KCNIP4: variants seen among roughly 807,000 people sequenced by gnomAD.
KCNIP4 encodes potassium voltage-gated channel interacting protein 4, also known as Kv channel-interacting protein 4.
Under a neutral mutation model 34.0 loss-of-function variants are expected in KCNIP4, and 12 were observed. The observed-to-expected ratio is 0.35, with a 90% confidence interval of 0.23 to 0.57. The LOEUF is 0.57. Ranked by LOEUF, KCNIP4 falls within the 20% of genes least tolerant of loss-of-function variation. The pLI, the probability that KCNIP4 is intolerant of heterozygous loss-of-function variation, is 0.83. For missense variants in KCNIP4, 238 were observed against 311.7 expected, an observed-to-expected ratio of 0.76 and a Z score of 1.78; for synonymous variants, 124 against 102.2, an observed-to-expected ratio of 1.21 and a Z score of -1.29.
chr4:21,144,091 A>G (rs1752179078), intron 1 of KCNIP4, among the ~76,000 whole-genome samples: 1 of 152,148 alleles, frequency 6.6e-6, no homozygotes, highest in Non-Finnish European at 1.5e-5. Flanking sequence ...ATAACTGATA[A>G]CAATACAAAT....
intron 1 of KCNIP4, among the ~76,000 whole-genome samples, chr4:21,580,563 C>A (rs1049938462): frequency 6.6e-6 from 1 of 152,042 alleles, no homozygotes; most frequent in African/African-American, 2.4e-5. Context: ...CCAAGGGTGG[C>A]ATGGAGAAAA....
At chr4:20,732,252 G>GAA (rs1236278242) in intron 7 of KCNIP4, among the ~76,000 whole-genome samples, 184 bp from the exon 8 acceptor site, 3 of 152,156 alleles carry the variant, frequency 2.0e-5, no homozygotes, top group Admixed American at 1.3e-4. Flanking sequence ...AAATGCTTCT[G>GAA]GCTTTTCCCT....
chr4:21,679,355 T>A (rs1750161822), intron 1 of KCNIP4, among the ~76,000 whole-genome samples: 4 of 152,220 alleles, frequency 2.6e-5, no homozygotes, highest in Admixed American at 2.6e-4. Flanking sequence ...ATCTTTTGTT[T>A]ATGGATGTAT....
At chr4:21,918,857 A>G (rs746303594) in intron 1 of KCNIP4, among the ~76,000 whole-genome samples, 6 of 152,174 alleles carry the variant, frequency 3.9e-5, no homozygotes, top group Non-Finnish European at 8.8e-5. Context: ...AAGGAAACCC[A>G]AAATCTAGCC....
chr4:20,922,219 G>A (rs541199578), intron 1 of KCNIP4, among the ~76,000 whole-genome samples: 26 of 152,284 alleles, frequency 1.7e-4, no homozygotes, highest in African/African-American at 6.0e-4. Context: ...GTATATCTGT[G>A]AGGGTGTTAA....
chr4:21,025,924 C>T (rs935572770), intron 1 of KCNIP4, among the ~76,000 whole-genome samples: 2 of 152,032 alleles, frequency 1.3e-5, no homozygotes, highest in Admixed American at 1.3e-4. Flanking sequence ...GTATGCCAGG[C>T]CTAGATTAGG....
In KCNIP4 at chr4:20,846,990, C is replaced by A. The variant is rs552209807; in HGVS notation, c.288+3553G>T. On this transcript the variant is annotated intron_variant, in intron 3 of 8. Coordinates refer to ENST00000382152, the MANE Select transcript of KCNIP4 (RefSeq NM_025221.6). ...TGCATTTAATTTTGAGACTGCTGATCTGTAGATAATAGTTTGCATTTTCTG... is the reference window on the plus strand; with the variant it reads ...TGCATTTAATTTTGAGACTGCTGATATGTAGATAATAGTTTGCATTTTCTG... 2.6e-4 allele frequency among the ~76,000 whole-genome samples: 39 copies of A among 152,246 alleles called. 1 individual carries two copies. In the South Asian group the frequency reaches 8.1e-3, roughly 32 times the overall value.
chr4:21,031,859 C>A (rs1373687587), intron 1 of KCNIP4, among the ~76,000 whole-genome samples: 2 of 152,146 alleles, frequency 1.3e-5, no homozygotes, highest in African/African-American at 4.8e-5. Context: ...CAAAGCTTTT[C>A]TATAAAATGC....
chr4:21,424,184 T>A (rs1725742321), intron 1 of KCNIP4, among the ~76,000 whole-genome samples: 2 of 152,042 alleles, frequency 1.3e-5, no homozygotes, highest in South Asian at 2.1e-4. Context: ...GGTAAAGGGA[T>A]GCATAAAAGC....
At chr4:21,550,434 A>G (rs931592411) in intron 1 of KCNIP4, among the ~76,000 whole-genome samples, 6 of 152,120 alleles carry the variant, frequency 3.9e-5, no homozygotes, top group African/African-American at 1.4e-4. Flanking sequence ...AGAGTGCCTG[A>G]GAATATGCTA....
At chr4:21,227,303 G>A (rs545025058) in intron 1 of KCNIP4, among the ~76,000 whole-genome samples, 5 of 152,216 alleles carry the variant, frequency 3.3e-5, no homozygotes, top group South Asian at 4.1e-4. Flanking sequence ...TCAGAATCTC[G>A]CAAACCAAAA....
intron 1 of KCNIP4, among the ~76,000 whole-genome samples, chr4:21,029,405 C>G (rs1740820176): frequency 6.6e-6 from 1 of 152,196 alleles, no homozygotes; most frequent in Non-Finnish European, 1.5e-5. Flanking sequence ...CTATGATGTA[C>G]TAACAGTGCA....
intron 3 of KCNIP4, among the ~76,000 whole-genome samples, chr4:20,821,717 G>A (rs1717132670): frequency 6.6e-6 from 1 of 152,108 alleles, no homozygotes; most frequent in East Asian, 1.9e-4. Flanking sequence ...CCATTTATAA[G>A]TGAGAACATA....
chr4:21,232,551 A>C (rs185356947), intron 1 of KCNIP4, among the ~76,000 whole-genome samples: 51 of 152,332 alleles, frequency 3.3e-4, no homozygotes, highest in Admixed American at 1.1e-3. Context: ...TATGAACAAA[A>C]TATAACTTAT....
chr4:21,446,337 CA>C (rs761498265), intron 1 of KCNIP4, among the ~76,000 whole-genome samples: 1 of 151,942 alleles, frequency 6.6e-6, no homozygotes, highest in Non-Finnish European at 1.5e-5. Flanking sequence ...ATGTTTATTG[CA>C]GCACTATTCA....
At chr4:21,270,089 C>G (rs1762049470) in intron 1 of KCNIP4, among the ~76,000 whole-genome samples, 1 of 152,150 alleles carries the variant, frequency 6.6e-6, no homozygotes, top group Non-Finnish European at 1.5e-5. Context: ...ATTTCATACT[C>G]TAGGTAAACA....
At chr4:21,453,738 T>C (rs988575683) in intron 1 of KCNIP4, among the ~76,000 whole-genome samples, 1 of 152,102 alleles carries the variant, frequency 6.6e-6, no homozygotes, top group Non-Finnish European at 1.5e-5. Flanking sequence ...AGTGTTTGAT[T>C]TTCTGGTGGC....
intron 1 of KCNIP4, among the ~76,000 whole-genome samples, chr4:21,657,027 A>G (rs1290164883): frequency 2.0e-5 from 3 of 152,156 alleles, no homozygotes. Flanking sequence ...CATCACTGCT[A>G]CCATTTCCCT....
chr4:21,143,191 C>T lies in KCNIP4; in HGVS notation c.62-260482G>A, dbSNP rs566345461. 1.6e-4 allele frequency among the ~76,000 whole-genome samples: 24 copies of T among 152,272 alleles called. No individual in the cohort carries two copies. In the South Asian group the frequency reaches 5.0e-3, roughly 32 times the overall value. ...GACCCTAAAATACAGAGATTATCTA[C>T]ATAAACTTAATCTAATAAAACCAGC... On this transcript the variant is annotated intron_variant, in intron 1 of 8. Transcript: ENST00000382152.
Sources: gnomAD v4.1 joint callset for allele counts (sites outside exome capture counted in the v4.1 genomes callset) on GRCh38, gnomAD v4.1.1 for gene constraint, MANE v1.5 for transcripts, NCBI Gene and HGNC (gene_info 2026-07-23, HGNC 2026-07-21) for gene names.